Variants in CCDC171 observed in about 807,000 individuals in gnomAD.
CCDC171 encodes coiled-coil domain-containing protein 171.
A neutral mutation model predicts 168.2 loss-of-function variants in CCDC171; 177 were observed. The observed-to-expected ratio is 1.05, with a 90% CI of 0.93 to 1.19. The LOEUF (loss-of-function observed/expected upper bound fraction) is 1.19. Among genes scored for constraint, CCDC171 ranks in the 50% most tolerant of loss-of-function variants. The probability of loss-of-function intolerance (pLI) is 0.00; values close to 1 mark genes in which losing one functional copy is unlikely to be tolerated. For missense variants in CCDC171, 1,991 were observed against 1,539.0 expected, an observed-to-expected ratio of 1.29 and a Z score of -4.91; for synonymous variants, 687 against 540.8, an observed-to-expected ratio of 1.27 and a Z score of -3.75.
intron 7 of CCDC171, among the ~76,000 whole-genome samples, chr9:15,638,154 C>G (rs2046340948): frequency 6.6e-6 from 1 of 152,056 alleles, no homozygotes; most frequent in African/African-American, 2.4e-5. Flanking sequence ...TGAAGGTAGT[C>G]TAGATAGTCT....
At chr9:15,636,321 A>T (rs191245100) in intron 7 of CCDC171, among the ~76,000 whole-genome samples, 1 of 152,228 alleles carries the variant, frequency 6.6e-6, no homozygotes, top group Non-Finnish European at 1.5e-5. Flanking sequence ...AGGAATAAAA[A>T]TATGAAATTA....
At chr9:15,907,914 T>C (rs2131766788) in intron 24 of CCDC171, among the ~76,000 whole-genome samples, 1 of 152,298 alleles carries the variant, frequency 6.6e-6, no homozygotes, top group South Asian at 2.1e-4. Context: ...ATGCTCATCA[T>C]CACTGGCCAT....
chr9:16,039,885 T>G (rs10962260), upstream of CCDC171, among the ~76,000 whole-genome samples: 64,589 of 151,612 alleles, frequency 0.43, 14,842 homozygotes, highest in East Asian at 0.73. Context: ...GGAGGTGGAG[T>G]TGTGTTCATT....
intron 3 of CCDC171, among the ~76,000 whole-genome samples, chr9:15,994,610 A>T: frequency 6.6e-6 from 1 of 152,224 alleles, no homozygotes; most frequent in Non-Finnish European, 1.5e-5. Flanking sequence ...CTTAGATTTT[A>T]TAAATGGACA....
intron 8 of CCDC171, among the ~76,000 whole-genome samples, chr9:15,661,235 G>A (rs1333503783): frequency 3.5e-5 from 5 of 142,996 alleles, no homozygotes; most frequent in African/African-American, 1.3e-4. Context: ...AGCAGAGATT[G>A]CACCACTGAA....
intron 25 of CCDC171, among the ~76,000 whole-genome samples, chr9:15,932,238 A>G (rs1489777926): frequency 6.6e-6 from 1 of 151,960 alleles, no homozygotes; most frequent in Non-Finnish European, 1.5e-5. Context: ...CTTCCAATCC[A>G]TGAACATGGG....
chr9:15,626,626 G>T (rs868741346), intron 7 of CCDC171, among the ~76,000 whole-genome samples: 6 of 152,172 alleles, frequency 3.9e-5, no homozygotes, highest in African/African-American at 1.4e-4. Flanking sequence ...TTATTGATTT[G>T]TGTACGTTGA....
intron 3 of CCDC171, among the ~76,000 whole-genome samples, chr9:16,010,273 A>C (rs1479028220): frequency 6.6e-6 from 1 of 152,170 alleles, no homozygotes. Flanking sequence ...CTCATTACCC[A>C]AACTTTATAT....
chr9:15,868,596 C>T (rs1319256435), intron 23 of CCDC171, among the ~76,000 whole-genome samples: 1 of 151,886 alleles, frequency 6.6e-6, no homozygotes, highest in East Asian at 1.9e-4. Flanking sequence ...CATTGATTAT[C>T]ACAAAACCAC....
Position 15,818,864 on chromosome 9 carries a change from G to C in CCDC171, c.3268-27838G>C, listed in dbSNP as rs1273636025. ...AGAACGCCACAAAAATACTCCTCGA[G>C]AAGAGCAACTCTGAGACACATAATT... On this transcript the variant is annotated intron_variant, in intron 21 of 25. Coordinates refer to ENST00000380701, the MANE Select transcript of CCDC171 (RefSeq NM_173550.4). Among the ~76,000 whole-genome samples, 2 of 116,562 alleles carry C rather than the reference G, an allele frequency of 1.7e-5. 1 individual carries two copies. Among genetic ancestry groups the C allele is most frequent in the Non-Finnish European group, 3.8e-5 (2 of 52,148 alleles). 76.5% of individuals were successfully genotyped at this position (116,562 alleles called of 152,430 possible).
intron 7 of CCDC171, among the ~76,000 whole-genome samples, chr9:15,638,633 T>A (rs1398438525): frequency 6.6e-6 from 1 of 151,944 alleles, no homozygotes; most frequent in African/African-American, 2.4e-5. Flanking sequence ...GAAAGGTGAT[T>A]TTTTTATGTG....
chr9:15,563,444 A>G (rs2039477712), intron 1 of CCDC171, among the ~76,000 whole-genome samples: 2 of 152,122 alleles, frequency 1.3e-5, no homozygotes, highest in South Asian at 4.1e-4. Context: ...GGCTCAAGTT[A>G]CTTTTAATCT....
chr9:15,662,831 A>G (rs901386294), intron 8 of CCDC171, among the ~76,000 whole-genome samples: 6 of 151,766 alleles, frequency 4.0e-5, no homozygotes, highest in African/African-American at 1.5e-4. Context: ...AAATACCAAA[A>G]TTAGCTGGGT....
the CCDC171 span, among the ~76,000 whole-genome samples, chr9:16,092,645 C>G: frequency 6.4e-4 from 97 of 152,134 alleles, no homozygotes; most frequent in Non-Finnish European, 1.3e-3. Flanking sequence ...ACAACTTTTA[C>G]CAGAGCAGTG....
rs1426848622 is a variant in CCDC171, at chr9:15,631,061, A to G, written c.822+7648A>G. Among the ~76,000 whole-genome samples, 5 of 152,284 alleles carry G rather than the reference A, an allele frequency of 3.3e-5. No homozygotes were observed. The East Asian group carries it at 5.8e-4, about 18-fold the overall frequency. ...ATTTATAGCACTAAATGCCCACAAG[A>G]GAAAGCCGGAAAGATCCAAAATTGA... On this transcript the variant is annotated intron_variant, in intron 7 of 25. Transcript: ENST00000380701.
At chr9:15,797,009 C>T (rs999051499) in intron 21 of CCDC171, among the ~76,000 whole-genome samples, 2 of 152,174 alleles carry the variant, frequency 1.3e-5, no homozygotes, top group Admixed American at 6.5e-5. Flanking sequence ...TTTCTATCAG[C>T]ACTGTACGAA....
At chr9:15,898,846 T>C (rs1386611504) in intron 24 of CCDC171, among the ~76,000 whole-genome samples, 1 of 152,090 alleles carries the variant, frequency 6.6e-6, no homozygotes, top group Non-Finnish European at 1.5e-5. Flanking sequence ...ATTAGTACAA[T>C]GGGTAAATAC....
At chr9:16,087,886 G>T in the CCDC171 span, among the ~76,000 whole-genome samples, 1 of 152,118 alleles carries the variant, frequency 6.6e-6, no homozygotes, top group South Asian at 2.1e-4. Context: ...GCTGGTCCCG[G>T]TGATGACAAA....
At chr9:15,710,859 A>G (rs2052612630) in intron 11 of CCDC171, among the ~76,000 whole-genome samples, 1 of 152,102 alleles carries the variant, frequency 6.6e-6, no homozygotes, top group African/African-American at 2.4e-5. Flanking sequence ...GGCCTCCCAA[A>G]GTGCTGAGAT....
Sources: allele counts gnomAD v4.1 joint callset (sites outside exome capture counted in the v4.1 genomes callset), GRCh38; gene constraint gnomAD v4.1.1; transcripts MANE v1.5; gene names NCBI Gene and HGNC (gene_info 2026-07-23, HGNC 2026-07-21).